RFX4: variants seen among roughly 807,000 people sequenced by gnomAD.
RFX4 encodes the protein regulatory factor X4.
RFX4 carries 10 observed loss-of-function variants against 95.0 expected under a neutral mutation model. The ratio of observed to expected loss-of-function variants is 0.11; its 90% CI spans 0.06 to 0.18. RFX4 has a LOEUF of 0.18. RFX4 is among the 10% of genes least tolerant of loss of function. The pLI is 1.00. For missense variants in RFX4, 640 were observed against 922.0 expected, an observed-to-expected ratio of 0.69 and a Z score of 3.96; for synonymous variants, 321 against 340.7, an observed-to-expected ratio of 0.94 and a Z score of 0.64.
chr12:106,688,333 G>A (rs1163172670), intron 6 of RFX4, among the ~76,000 whole-genome samples: 2 of 152,102 alleles, frequency 1.3e-5, no homozygotes, highest in African/African-American at 2.4e-5. Context: ...CTCCCAAAGT[G>A]CTGGGATTAC....
intron 13 of RFX4, among the ~76,000 whole-genome samples, chr12:106,728,337 T>C (rs1289344692): frequency 7.4e-6 from 1 of 135,282 alleles, no homozygotes; most frequent in Admixed American, 7.2e-5. Flanking sequence ...CTTTGCAGTG[T>C]TGTTGAGAAG....
chr12:106,604,499 G>A (rs1229549708), intron 1 of RFX4, among the ~76,000 whole-genome samples: 1 of 151,708 alleles, frequency 6.6e-6, no homozygotes, highest in Non-Finnish European at 1.5e-5. Context: ...GCTTTATTTG[G>A]AAAATCGCCT....
At chr12:106,733,133 AG>A (rs1306382666) in intron 15 of RFX4, 48 bp downstream of exon 15, 1 of 1,597,678 alleles carries the variant, frequency 6.3e-7, no homozygotes, top group East Asian at 2.2e-5. Flanking sequence ...GTTTGAAGAA[AG>A]GGCTTTCTGC....
intron 13 of RFX4, 100 bp from the exon 14 acceptor site, chr12:106,732,030 G>C: frequency 1.3e-6 from 2 of 1,512,232 alleles, no homozygotes; most frequent in Non-Finnish European, 1.8e-6. Context: ...CTCTTGAGCA[G>C]AGCATTTAGA....
chr12:106,600,069 C>T (rs1266041603), intron 1 of RFX4, among the ~76,000 whole-genome samples: 7 of 152,082 alleles, frequency 4.6e-5, no homozygotes, highest in Admixed American at 3.3e-4. Context: ...ACTCCTTAAC[C>T]CAGCATTGAG....
At chr12:106,653,888 C>A (rs12299235) in intron 3 of RFX4, among the ~76,000 whole-genome samples, 1 of 152,142 alleles carries the variant, frequency 6.6e-6, no homozygotes, top group African/African-American at 2.4e-5. Flanking sequence ...CTGATTGGGG[C>A]ACCCACAAGA....
chr12:106,760,091 C>T (rs1314643754), intron 17 of RFX4, among the ~76,000 whole-genome samples: 1 of 152,166 alleles, frequency 6.6e-6, no homozygotes, highest in Non-Finnish European at 1.5e-5. Flanking sequence ...CCACCTAATC[C>T]CCTGGGCCTC....
At chr12:106,585,954 C>T (rs1349882969) in intron 1 of RFX4, 2 of 152,282 alleles carry the variant, frequency 1.3e-5, no homozygotes, top group African/African-American at 2.4e-5. Flanking sequence ...GAAACGCGCC[C>T]CTTTGTTCCG....
chr12:106,712,273 A>C (rs892190376), intron 10 of RFX4, among the ~76,000 whole-genome samples: 22 of 152,346 alleles, frequency 1.4e-4, no homozygotes, highest in African/African-American at 4.8e-4. Flanking sequence ...ATGACAGCTA[A>C]ACACCCACAT....
intron 7 of RFX4, among the ~76,000 whole-genome samples, chr12:106,690,956 A>G (rs996241238): frequency 1.3e-5 from 2 of 152,178 alleles, no homozygotes; most frequent in African/African-American, 2.4e-5. Context: ...CATTTGCTTA[A>G]TTCCAACACC....
intron 4 of RFX4, chr12:106,662,162 C>T (rs2041088067): frequency 4.9e-6 from 2 of 408,082 alleles, no homozygotes; most frequent in Non-Finnish European, 9.7e-6. Flanking sequence ...AGTGGCTGTA[C>T]CATTTTGCAT....
chr12:106,748,945 C>T (rs1252670353), intron 16 of RFX4, among the ~76,000 whole-genome samples: 2 of 152,002 alleles, frequency 1.3e-5, no homozygotes, highest in East Asian at 3.9e-4. Context: ...ATTAGCTAGA[C>T]GTAGTGGCAC....
intron 1 of RFX4, among the ~76,000 whole-genome samples, chr12:106,589,669 G>A (rs769502112): frequency 5.9e-5 from 9 of 152,166 alleles, no homozygotes; most frequent in South Asian, 2.1e-4. Flanking sequence ...CTCTGCTGTC[G>A]TGATAGGTCA....
intron 2 of RFX4, among the ~76,000 whole-genome samples, chr12:106,622,232 AATAT>A (rs2040200321): frequency 6.6e-6 from 1 of 152,152 alleles, no homozygotes; most frequent in Non-Finnish European, 1.5e-5. Flanking sequence ...ATTTTAAAAA[AATAT>A]AATATAACTT....
At chr12:106,596,786 C>T (rs1460868909) in intron 1 of RFX4, among the ~76,000 whole-genome samples, 1 of 152,198 alleles carries the variant, frequency 6.6e-6, no homozygotes, top group Non-Finnish European at 1.5e-5. Context: ...AAGAGTTTTG[C>T]CTGTGTAATT....
intron 10 of RFX4, among the ~76,000 whole-genome samples, chr12:106,713,443 A>G (rs913870241): frequency 1.6e-4 from 25 of 152,220 alleles, no homozygotes; most frequent in African/African-American, 5.5e-4. Flanking sequence ...ATAGAAAATC[A>G]CAAGGCATTC....
Position 106,651,596 on chromosome 12 carries a change from A to C in RFX4, c.192-2632A>C, listed in dbSNP as rs573808578. Among the ~76,000 whole-genome samples the C allele has an allele frequency of 1.4e-4, 21 of 152,340 alleles. No individual in the cohort carries two copies. In the South Asian group the frequency reaches 4.4e-3, roughly 32 times the overall value. On this transcript the variant is annotated intron_variant, in intron 3 of 17. Coordinates refer to ENST00000392842, the MANE Select transcript of RFX4 (RefSeq NM_213594.3). ...AGTAATTAAATATTATTTCTTGTGC[A>C]TATGTCTCCCCAAATAGACTGCAAA...
intron 4 of RFX4, among the ~76,000 whole-genome samples, chr12:106,671,848 G>T (rs1367487308): frequency 6.6e-6 from 1 of 152,046 alleles, no homozygotes; most frequent in Non-Finnish European, 1.5e-5. Flanking sequence ...TTTTAGTAGA[G>T]ACAGGGTTTC....
intron 1 of RFX4, among the ~76,000 whole-genome samples, chr12:106,596,864 A>G (rs961961004): frequency 6.6e-6 from 1 of 152,242 alleles, no homozygotes; most frequent in Non-Finnish European, 1.5e-5. Context: ...TGCTTAATAA[A>G]TGTTTATTTA....
Sources: allele counts gnomAD v4.1 joint callset (sites outside exome capture counted in the v4.1 genomes callset), GRCh38; gene constraint gnomAD v4.1.1; transcripts MANE v1.5; gene names NCBI Gene and HGNC (gene_info 2026-07-23, HGNC 2026-07-21).